Variants in UGT2B7 observed in about 807,000 individuals in gnomAD.
UGT2B7 encodes UDP glucuronosyltransferase family 2 member B7.
Under a neutral mutation model 51.9 loss-of-function variants are expected in UGT2B7, and 51 were observed. That is an observed-to-expected ratio of 0.98 (90% confidence interval 0.78 to 1.24). The LOEUF is 1.24. Ranked by LOEUF, UGT2B7 falls within the 50% of genes most tolerant of loss-of-function variation. UGT2B7 has a pLI of 0.00. For missense variants in UGT2B7, 727 were observed against 628.4 expected, an observed-to-expected ratio of 1.16 and a Z score of -1.68; for synonymous variants, 225 against 211.6, an observed-to-expected ratio of 1.06 and a Z score of -0.55.
rs879372471 is a variant in UGT2B7 at position 69,064,082 on chromosome 4, A to AAGAGAG, written c.-159+12483_-159+12484insGAGAGA. On this transcript the variant is annotated intron_variant, in intron 1 of 5. Transcript: ENST00000502942. ...AAAGAAAGAAAGAAAGAAAGAAAGA[A>AAGAGAG]AGAAAGAAAGAAAGAGAAAGAAAGA... Among the ~76,000 whole-genome samples the AAGAGAG allele has an allele frequency of 4.9e-5, 5 of 102,058 alleles. 1 individual carries two copies. Among genetic ancestry groups the AAGAGAG allele is most frequent in the African/African-American group, 1.7e-4 (3 of 17,788 alleles). The allele number at this position is 102,058 out of a possible 152,430, so 67.0% of individuals were successfully genotyped here. A position where few individuals can be genotyped will look rare whatever the true frequency, so the allele number is the denominator to read the frequency against.
At chr4:69,057,806 G>A (rs950229130) in intron 1 of UGT2B7, among the ~76,000 whole-genome samples, 46 of 152,206 alleles carry the variant, frequency 3.0e-4, no homozygotes, top group African/African-American at 1.1e-3. Flanking sequence ...GGGGGTGGTG[G>A]TTAGGGAGTC....
chr4:69,071,765 G>A (rs1197890506), intron 1 of UGT2B7, among the ~76,000 whole-genome samples: 3 of 151,930 alleles, frequency 2.0e-5, no homozygotes, highest in Non-Finnish European at 2.9e-5. Context: ...CTTGCCACTA[G>A]AAAGAAACAA....
chr4:69,084,394 T>A (rs1718903890), intron 1 of UGT2B7, among the ~76,000 whole-genome samples: 1 of 149,874 alleles, frequency 6.7e-6, no homozygotes, highest in Non-Finnish European at 1.5e-5. Context: ...TGACAAATCA[T>A]TTTTAAAGCA....
At position 69,112,582 on chromosome 4, in the gene UGT2B7, C is replaced by T. The variant is rs147176472; in HGVS notation, c.1436C>T (p.Ala479Val). Reference sequence around the variant, plus strand: ...AAAGGAGCTAAACACCTTCGGGTTGCAGCCCACGACCTCACCTGGTTCCAG... The same window carrying T: ...AAAGGAGCTAAACACCTTCGGGTTGTAGCCCACGACCTCACCTGGTTCCAG... ...RHKGAKHLRV[A>V]AHDLTWFQYH... The change falls in exon 6 of 6, where the codon GCA becomes GTA. Residue 479 changes from alanine to valine, a missense_variant. Physicochemically the swap from Ala to Val is moderately conservative, Grantham distance 64 (BLOSUM62 0). Transcript: ENST00000305231. 11 of 1,613,850 alleles carry T rather than the reference C, an allele frequency of 6.8e-6. No individual in the cohort carries two copies. In the African/African-American group the frequency reaches 1.5e-4, roughly 22 times the overall value.
At chr4:69,105,355 T>C (rs1719562360) in intron 3 of UGT2B7, among the ~76,000 whole-genome samples, 1 of 152,232 alleles carries the variant, frequency 6.6e-6, no homozygotes. Context: ...TAAAGCTTTC[T>C]TGTAATGACC....
rs573239262 is a variant in UGT2B7, at chr4:69,105,856, G to C, written c.1003-1319G>C. 5.7e-4 allele frequency among the ~76,000 whole-genome samples: 87 copies of C among 152,096 alleles called. 1 individual carries two copies. Among genetic ancestry groups the C allele is most frequent in the Admixed American group, 2.3e-3 (35 of 15,268 alleles). ...TTATTTTGTCAATCAAAGGACAACA[G>C]GCTCTAATATAACAACCTACACACA... On this transcript the variant is annotated intron_variant, in intron 3 of 5. Transcript: ENST00000305231.
chr4:69,074,564 A>G (rs968151755), intron 1 of UGT2B7, among the ~76,000 whole-genome samples: 7 of 151,872 alleles, frequency 4.6e-5, no homozygotes, highest in Non-Finnish European at 1.0e-4. Context: ...GAAATCTTCA[A>G]CATGTGTTGA....
intron 2 of UGT2B7, among the ~76,000 whole-genome samples, chr4:69,101,041 TA>T (rs1026272497): frequency 1.3e-5 from 2 of 152,020 alleles, no homozygotes; most frequent in African/African-American, 2.4e-5. Context: ...TCCAACATCT[TA>T]AATGAAGGAA....
rs58121670 is a variant in UGT2B7 at position 69,099,257 on chromosome 4, C to CA, written c.870+590dup. Among the ~76,000 whole-genome samples the CA allele has an allele frequency of 7.6e-3, 808 of 105,680 alleles. 2 individuals carry two copies. Among genetic ancestry groups the CA allele is most frequent in the Middle Eastern group, 0.016 (3 of 188 alleles). 69.3% of individuals were successfully genotyped at this position (105,680 alleles called of 152,430 possible). A position where few individuals can be genotyped will look rare whatever the true frequency, so the allele number is the denominator to read the frequency against. On this transcript the variant is annotated intron_variant, in intron 2 of 5. Coordinates refer to ENST00000305231, the MANE Select transcript of UGT2B7 (RefSeq NM_001074.4). ...TAAAAGAATGACGGGGAGAGACAGA[C>CA]AAAAAAAAAAAAAAAAAAAAAGAAG...
At chr4:69,101,677 A>G (rs1179475595) in intron 2 of UGT2B7, among the ~76,000 whole-genome samples, 3 of 152,200 alleles carry the variant, frequency 2.0e-5, no homozygotes, top group Non-Finnish European at 4.4e-5. Flanking sequence ...TGTGGTCTGC[A>G]GAGTTAACAT....
upstream of UGT2B7, among the ~76,000 whole-genome samples, chr4:69,093,992 A>G (rs1719152119): frequency 1.3e-5 from 2 of 152,160 alleles, no homozygotes; most frequent in African/African-American, 4.8e-5. Flanking sequence ...CCAGCTTAAA[A>G]TATTTTTAGA....
At chr4:69,056,691 ACTT>A (rs1400934018) in intron 1 of UGT2B7, among the ~76,000 whole-genome samples, 16 of 152,094 alleles carry the variant, frequency 1.1e-4, no homozygotes, top group Non-Finnish European at 2.9e-5. Flanking sequence ...TCCTACCTGT[ACTT>A]CTTCAAATGA....
chr4:69,095,411 C>T (rs1719196362), upstream of UGT2B7, among the ~76,000 whole-genome samples: 1 of 152,212 alleles, frequency 6.6e-6, no homozygotes, highest in South Asian at 2.1e-4. Flanking sequence ...TGAAGTCTTT[C>T]AGATCAGCTG....
chr4:69,083,814 T>G (rs1160996567), intron 1 of UGT2B7, among the ~76,000 whole-genome samples: 1 of 151,926 alleles, frequency 6.6e-6, no homozygotes, highest in East Asian at 1.9e-4. Context: ...TATAAAATCA[T>G]GTCATATGCA....
chr4:69,100,621 A>G (rs1410504034), intron 2 of UGT2B7, among the ~76,000 whole-genome samples: 3 of 151,958 alleles, frequency 2.0e-5, no homozygotes, highest in Non-Finnish European at 4.4e-5. Flanking sequence ...CCCCACCCAT[A>G]CTAAGGGAAA....
At chr4:69,087,856 T>C (rs1274287023) in intron 1 of UGT2B7, among the ~76,000 whole-genome samples, 1 of 152,002 alleles carries the variant, frequency 6.6e-6, no homozygotes, top group Non-Finnish European at 1.5e-5. Context: ...AACCTTTTCT[T>C]ATACTGCTAT....
intron 1 of UGT2B7, among the ~76,000 whole-genome samples, chr4:69,085,097 G>T (rs1718921492): frequency 6.6e-6 from 1 of 152,128 alleles, no homozygotes; most frequent in African/African-American, 2.4e-5. Flanking sequence ...CAGTGTAAAA[G>T]CATTCCTATT....
At chr4:69,097,357 A>G (rs1219618966) in intron 1 of UGT2B7, 116 bp downstream of exon 1, 1 of 1,232,046 alleles carries the variant, frequency 8.1e-7, no homozygotes, top group African/African-American at 1.5e-5. Context: ...GAATTTATAA[A>G]ACAAAAATAC....
chr4:69,104,877 C>T (rs1418381856), intron 3 of UGT2B7, among the ~76,000 whole-genome samples: 1 of 152,146 alleles, frequency 6.6e-6, no homozygotes, highest in African/African-American at 2.4e-5. Flanking sequence ...TTAGTCTTGG[C>T]ATGTAATCCA....
Sources: allele counts gnomAD v4.1 joint callset (sites outside exome capture counted in the v4.1 genomes callset), GRCh38; gene constraint gnomAD v4.1.1; transcripts MANE v1.5; gene names NCBI Gene and HGNC (gene_info 2026-07-23, HGNC 2026-07-21).